ANKH: variants seen among roughly 807,000 people sequenced by gnomAD.
The protein encoded by ANKH is mineralization regulator ANKH.
ANKH carries 15 observed loss-of-function variants against 49.0 expected under a neutral mutation model. The observed-to-expected ratio is 0.31, with a 90% CI of 0.20 to 0.47. The LOEUF (loss-of-function observed/expected upper bound fraction) is 0.47, where lower values mean the gene tolerates loss of function less well. Among genes scored for constraint, ANKH ranks in the 20% least tolerant of loss-of-function variants. The pLI, the probability that ANKH is intolerant of heterozygous loss-of-function variation, is 1.00. For missense variants in ANKH, 429 were observed against 652.0 expected (o/e 0.66, Z 3.72); for synonymous variants, 273 against 260.0 (o/e 1.05, Z -0.48).
chr5:14,768,859 A>C (rs1487064749), intron 2 of ANKH, 116 bp downstream of exon 2: 2 of 1,187,818 alleles, frequency 1.7e-6, no homozygotes, highest in Non-Finnish European at 2.5e-6. Context: ...AAATTTCATA[A>C]GAAACATTTG....
At chr5:14,843,550 A>G (rs948093016) in intron 1 of ANKH, among the ~76,000 whole-genome samples, 13 of 28,496 alleles carry the variant, frequency 4.6e-4, no homozygotes, top group Admixed American at 4.5e-4. Flanking sequence ...GGGATTAGCG[A>G]AAAAAAAAAA....
chr5:14,754,333 G>GTT lies in ANKH; in HGVS notation c.516+1526_516+1527dup, dbSNP rs70964567. 2.6e-4 allele frequency among the ~76,000 whole-genome samples: 35 copies of GTT among 132,890 alleles called. 1 individual carries two copies. The highest frequency in any genetic ancestry group is 1.3e-3 in the South Asian group (5 of 3,834). The allele number at this position is 132,890 out of a possible 152,430, so 87.2% of individuals were successfully genotyped here. On this transcript the variant is annotated intron_variant, in intron 4 of 11. Transcript: ENST00000284268. ...ATGTTTATTTTAGGCAAAGTTAAGA[G>GTT]TTTTTTTTTTTTTTTTGCCTTTAAA... is the stretch of plus-strand genomic sequence containing the variant.
chr5:14,713,763 CT>C lies in ANKH; in HGVS notation c.1142-97del, dbSNP rs1737333255. The C allele has an allele frequency of 6.4e-7, 1 of 1,566,852 alleles. No individual in the cohort carries two copies. The highest frequency in any genetic ancestry group is 8.7e-7 in the Non-Finnish European group (1 of 1,143,424). The stretch of plus-strand genomic sequence containing the variant: ...GGGCAGCACATCCGAGAGCCAGGGG[CT>C]GCCTAGGACCCTGGCCTTGCTGTTG... On this transcript the variant is annotated intron_variant, in intron 9 of 11. Transcript: ENST00000284268. The surrounding 1 kb of genome is among the most constrained non-coding windows in gnomAD (Gnocchi z 4.4).
chr5:14,794,940 T>G (rs549170455), intron 1 of ANKH, among the ~76,000 whole-genome samples: 1 of 152,264 alleles, frequency 6.6e-6, no homozygotes, highest in Non-Finnish European at 1.5e-5. Flanking sequence ...TTTCCTTTGC[T>G]GTACTGTGTA....
intron 1 of ANKH, among the ~76,000 whole-genome samples, chr5:14,833,869 G>C (rs1561076270): frequency 6.6e-6 from 1 of 152,176 alleles, no homozygotes. Context: ...TCCTCCAACA[G>C]CAATCTACCT....
intron 1 of ANKH, among the ~76,000 whole-genome samples, chr5:14,845,969 C>T (rs1213086915): frequency 6.7e-6 from 1 of 149,734 alleles, no homozygotes; most frequent in African/African-American, 2.5e-5. Context: ...GATTCTCCTG[C>T]CTTAGCCTCC....
chr5:14,743,067 T>C (rs550395957), intron 7 of ANKH, among the ~76,000 whole-genome samples: 2 of 152,344 alleles, frequency 1.3e-5, no homozygotes, highest in African/African-American at 4.8e-5. Context: ...GTGCTTTTCC[T>C]TTACTGGGAG....
At chr5:14,840,931 C>T (rs1310195225) in intron 1 of ANKH, among the ~76,000 whole-genome samples, 2 of 152,198 alleles carry the variant, frequency 1.3e-5, no homozygotes, top group Non-Finnish European at 2.9e-5. Flanking sequence ...AAAATCACAG[C>T]TGCTTTACTA....
chr5:14,845,137 T>C (rs1441063755), intron 1 of ANKH, among the ~76,000 whole-genome samples: 1 of 152,164 alleles, frequency 6.6e-6, no homozygotes, highest in African/African-American at 2.4e-5. Context: ...GAAACACGCT[T>C]TCCAATAATG....
chr5:14,864,839 G>A (rs1450667218), intron 1 of ANKH, among the ~76,000 whole-genome samples: 1 of 152,116 alleles, frequency 6.6e-6, no homozygotes. Flanking sequence ...ATGCTTCTGT[G>A]TTTTGTGAAA....
At chr5:14,797,027 T>C in intron 1 of ANKH, 3 of 1,193,304 alleles carry the variant, frequency 2.5e-6, no homozygotes, top group Non-Finnish European at 2.2e-6. Flanking sequence ...TATAGAGGGA[T>C]AGCTGAATAA....
intron 1 of ANKH, among the ~76,000 whole-genome samples, chr5:14,861,659 G>A (rs1353598454): frequency 6.6e-6 from 1 of 152,140 alleles, no homozygotes; most frequent in Non-Finnish European, 1.5e-5. Context: ...AGTGATGTCA[G>A]CCCATCTTAT....
intron 1 of ANKH, among the ~76,000 whole-genome samples, chr5:14,851,661 A>G (rs1460965555): frequency 6.6e-6 from 1 of 152,212 alleles, no homozygotes; most frequent in African/African-American, 2.4e-5. Flanking sequence ...CTCAATCTAA[A>G]GCATTTGTCT....
chr5:14,864,571 C>A (rs1346943346), intron 1 of ANKH, among the ~76,000 whole-genome samples: 2 of 152,166 alleles, frequency 1.3e-5, no homozygotes, highest in South Asian at 4.1e-4. Flanking sequence ...AAAGGCATGA[C>A]CTCATTTTCT....
chr5:14,795,223 C>T (rs757329413), intron 1 of ANKH, among the ~76,000 whole-genome samples: 1 of 152,082 alleles, frequency 6.6e-6, no homozygotes, highest in Admixed American at 6.5e-5. Context: ...TACCACCAGC[C>T]ATGAAAAGGT....
At chr5:14,808,115 T>G (rs1412282384) in intron 1 of ANKH, among the ~76,000 whole-genome samples, 2 of 152,220 alleles carry the variant, frequency 1.3e-5, no homozygotes, top group African/African-American at 4.8e-5. Context: ...TTTAATAAAC[T>G]TATACATGCC....
chr5:14,736,385 C>T (rs35976559), intron 8 of ANKH, among the ~76,000 whole-genome samples: 6,594 of 152,246 alleles, frequency 0.043, 241 homozygotes, highest in East Asian at 0.11. Flanking sequence ...AAAAATCAAC[C>T]GGTGGATAAC....
intron 4 of ANKH, among the ~76,000 whole-genome samples, chr5:14,754,810 T>C (rs1435799236): frequency 6.6e-6 from 1 of 152,146 alleles, no homozygotes; most frequent in Non-Finnish European, 1.5e-5. Flanking sequence ...GCGTGGTGGC[T>C]CATGCCTGTA....
At chr5:14,864,474 T>C (rs1450654741) in intron 1 of ANKH, among the ~76,000 whole-genome samples, 1 of 152,150 alleles carries the variant, frequency 6.6e-6, no homozygotes, top group African/African-American at 2.4e-5. Flanking sequence ...GATGGACATC[T>C]AAAGAAAACT....
Sources: gnomAD v4.1 joint callset for allele counts (sites outside exome capture counted in the v4.1 genomes callset) on GRCh38, gnomAD v4.1.1 for gene constraint, Gnocchi (gnomAD v3.1) non-coding constraint, MANE v1.5 for transcripts, NCBI Gene and HGNC (gene_info 2026-07-23, HGNC 2026-07-21) for gene names.